The following NCAM2 variants were observed in gnomAD, a reference collection of about 807,000 sequenced individuals.
NCAM2 encodes the protein neural cell adhesion molecule 2, also known as N-CAM-2.
In NCAM2, 30 loss-of-function variants were observed where a neutral mutation model predicts 98.1. That is an observed-to-expected ratio of 0.31 (90% CI 0.23 to 0.41). The LOEUF (loss-of-function observed/expected upper bound fraction) is 0.41, where lower values mean the gene tolerates loss of function less well. NCAM2 is among the 10% of genes least tolerant of loss of function. NCAM2 has a pLI of 1.00. For synonymous variants in NCAM2, 368 were observed against 342.4 expected, an observed-to-expected ratio of 1.07 and a Z score of -0.83; for missense variants, 867 against 1,005.8, an observed-to-expected ratio of 0.86 and a Z score of 1.87.
intron 1 of NCAM2, among the ~76,000 whole-genome samples, chr21:21,090,788 A>G (rs2142288): frequency 0.22 from 34,018 of 151,940 alleles, 4,452 homozygotes; most frequent in African/African-American, 0.36. Context: ...TCAACCCTCT[A>G]GACAAACTCT....
intron 1 of NCAM2, among the ~76,000 whole-genome samples, chr21:21,279,538 TA>T (rs1449913680): frequency 6.6e-6 from 1 of 151,882 alleles, no homozygotes; most frequent in Non-Finnish European, 1.5e-5. Flanking sequence ...TTTGCATTTT[TA>T]GTAGAGACGG....
chr21:21,363,660 T>C (rs78015606), intron 8 of NCAM2, among the ~76,000 whole-genome samples: 1 of 152,108 alleles, frequency 6.6e-6, no homozygotes, highest in Non-Finnish European at 1.5e-5. Flanking sequence ...GTCTGACACA[T>C]GATTTTCTTT....
At chr21:21,433,868 C>T (rs1377489653) in intron 12 of NCAM2, among the ~76,000 whole-genome samples, 1 of 151,948 alleles carries the variant, frequency 6.6e-6, no homozygotes, top group Non-Finnish European at 1.5e-5. Context: ...TCCTAAACTG[C>T]ATAAAACTCA....
At chr21:21,432,693 A>G (rs1041359560) in intron 12 of NCAM2, among the ~76,000 whole-genome samples, 5 of 152,064 alleles carry the variant, frequency 3.3e-5, no homozygotes, top group Non-Finnish European at 5.9e-5. Context: ...AGCCATCTCT[A>G]AAAATCTGTA....
At chr21:21,376,857 G>A (rs1018930282) in intron 9 of NCAM2, among the ~76,000 whole-genome samples, 5 of 151,756 alleles carry the variant, frequency 3.3e-5, no homozygotes, top group African/African-American at 1.2e-4. Flanking sequence ...AAACAGGGAT[G>A]AAAGGTCTTG....
At chr21:21,178,909 T>C (rs1003295397) in intron 1 of NCAM2, among the ~76,000 whole-genome samples, 6 of 152,128 alleles carry the variant, frequency 3.9e-5, no homozygotes, top group African/African-American at 9.6e-5. Flanking sequence ...ATTTGCATAG[T>C]ACACGGTGAA....
chr21:21,509,986 T>C (rs1195287241), intron 16 of NCAM2, among the ~76,000 whole-genome samples: 1 of 152,190 alleles, frequency 6.6e-6, no homozygotes, highest in East Asian at 1.9e-4. Context: ...TTCTACTGCA[T>C]ACTTTTTCTG....
chr21:21,202,604 C>T (rs1236620843), intron 1 of NCAM2, among the ~76,000 whole-genome samples: 3 of 151,642 alleles, frequency 2.0e-5, no homozygotes, highest in South Asian at 2.1e-4. Flanking sequence ...TTAGTAGAGA[C>T]GGGGTTTCAC....
intron 1 of NCAM2, among the ~76,000 whole-genome samples, chr21:21,171,512 G>A (rs2068124439): frequency 6.6e-6 from 1 of 152,114 alleles, no homozygotes. Flanking sequence ...GGTGTCAAAT[G>A]GTCTCGCCTC....
At chr21:21,257,965 G>T (rs2071740747) in intron 1 of NCAM2, among the ~76,000 whole-genome samples, 1 of 152,112 alleles carries the variant, frequency 6.6e-6, no homozygotes, top group South Asian at 2.1e-4. Context: ...TGCAGTTATT[G>T]GGGAAATCTT....
intron 1 of NCAM2, among the ~76,000 whole-genome samples, chr21:21,143,991 A>T (rs2067222802): frequency 2.0e-5 from 3 of 152,004 alleles, no homozygotes; most frequent in African/African-American, 7.3e-5. Context: ...CTATTTTCAT[A>T]CCTTTCATCT....
chr21:21,491,393 C>A (rs1845439795), intron 15 of NCAM2, among the ~76,000 whole-genome samples: 1 of 151,728 alleles, frequency 6.6e-6, no homozygotes. Flanking sequence ...AGTGATTTTT[C>A]TCCAGTTCCT....
intron 1 of NCAM2, among the ~76,000 whole-genome samples, chr21:21,194,192 A>G (rs2068925413): frequency 1.3e-5 from 2 of 152,078 alleles, no homozygotes; most frequent in South Asian, 4.1e-4. Context: ...AACAGCTCCA[A>G]TTTCTCTATT....
chr21:21,523,019 G>T lies in NCAM2; in HGVS notation c.2283-11518G>T, dbSNP rs1989118144. Among the ~76,000 whole-genome samples, 11 of 151,900 alleles carry T rather than the reference G, an allele frequency of 7.2e-5. No homozygotes were observed. In the South Asian group the frequency reaches 2.3e-3, roughly 31 times the overall value. On this transcript the variant is annotated intron_variant, in intron 16 of 17. Transcript: ENST00000400546. ...TTTAAATTGGACTTGTTTATGTTTT[G>T]TTGTTGTTATTTGTTGTTGTTTGTT...
chr21:21,411,069 T>C lies in NCAM2; in HGVS notation c.1383+608T>C, dbSNP rs1166903443. Among the ~76,000 whole-genome samples the C allele has an allele frequency of 5.1e-3, 166 of 32,798 alleles. 4 individuals are homozygous for C. Among genetic ancestry groups the C allele is most frequent in the Middle Eastern group, 0.018 (1 of 56 alleles). 21.5% of individuals were successfully genotyped at this position (32,798 alleles called of 152,430 possible). A position where few individuals can be genotyped will look rare whatever the true frequency, so the allele number is the denominator to read the frequency against. Reference sequence around the variant, plus strand: ...ATATGTGTGTGTATATATATATATATACACACACATATATATATGTGTGTA... The same window carrying C: ...ATATGTGTGTGTATATATATATATACACACACACATATATATATGTGTGTA... On this transcript the variant is annotated intron_variant, in intron 10 of 17. Transcript: ENST00000400546.
intron 1 of NCAM2, among the ~76,000 whole-genome samples, chr21:21,058,870 T>C (rs1355019650): frequency 6.6e-6 from 1 of 152,098 alleles, no homozygotes; most frequent in East Asian, 1.9e-4. Flanking sequence ...TACAAATACC[T>C]CCATGTGAAT....
At chr21:21,244,862 A>G (rs1228071866) in intron 1 of NCAM2, among the ~76,000 whole-genome samples, 1 of 151,108 alleles carries the variant, frequency 6.6e-6, no homozygotes, top group African/African-American at 2.4e-5. Context: ...AAAAAAAAAA[A>G]AAGGACATAC....
intron 8 of NCAM2, among the ~76,000 whole-genome samples, chr21:21,352,180 C>T (rs2075360598): frequency 2.0e-5 from 3 of 152,178 alleles, no homozygotes; most frequent in South Asian, 4.1e-4. Context: ...ATCCTCCCAC[C>T]TCAGCCTCCT....
At chr21:21,127,898 C>T (rs1239394056) in intron 1 of NCAM2, among the ~76,000 whole-genome samples, 4 of 152,076 alleles carry the variant, frequency 2.6e-5, no homozygotes, top group Non-Finnish European at 5.9e-5. Flanking sequence ...ATACGTTTAG[C>T]TTCCTTAAAT....
Sources: allele counts gnomAD v4.1 joint callset (sites outside exome capture counted in the v4.1 genomes callset), GRCh38; gene constraint gnomAD v4.1.1; transcripts MANE v1.5; gene names NCBI Gene and HGNC (gene_info 2026-07-23, HGNC 2026-07-21).